The following C2CD3 variants were observed in gnomAD, a reference collection of about 807,000 sequenced individuals.
The protein encoded by C2CD3 is C2 domain-containing protein 3.
In C2CD3, 148 loss-of-function variants were observed where a neutral mutation model predicts 234.0. The ratio of observed to expected loss-of-function variants is 0.63; its 90% CI spans 0.55 to 0.72. The LOEUF (loss-of-function observed/expected upper bound fraction) is 0.72. Ranked by LOEUF, C2CD3 falls within the 30% of genes least tolerant of loss-of-function variation. The pLI, the probability that C2CD3 is intolerant of heterozygous loss-of-function variation, is 0.00. For missense variants in C2CD3, 2,577 were observed against 2,811.5 expected, an observed-to-expected ratio of 0.92 and a Z score of 1.89; for synonymous variants, 1,000 against 1,035.4, an observed-to-expected ratio of 0.97 and a Z score of 0.66.
At position 74,074,357 on chromosome 11, in the gene C2CD3, C is replaced by A. The variant is rs1376431893; in HGVS notation, c.4847G>T (p.Ser1616Ile). The change falls in exon 24 of 33, where the codon AGC (serine) becomes ATC (isoleucine). Residue 1616 changes from serine to isoleucine, a missense_variant. Coordinates refer to ENST00000334126, the MANE Select transcript of C2CD3 (RefSeq NM_001286577.2). ...SPASTQVPCS[S>I]TTAEVRLTQE... ...CGTCAGGCGGACTTCAGCTGTGGTG[C>A]TGCTGCAGGGGACCTGGGTGGAGGC... is the stretch of plus-strand genomic sequence containing the variant. The A allele has an allele frequency of 6.2e-7, 1 of 1,614,216 alleles. No individual in the cohort carries two copies. Among genetic ancestry groups the A allele is most frequent in the South Asian group, 1.1e-5 (1 of 91,088 alleles).
chr11:74,028,939 G>T (rs1020781908), intron 31 of C2CD3, among the ~76,000 whole-genome samples: 8 of 152,186 alleles, frequency 5.3e-5, no homozygotes, highest in Non-Finnish European at 1.0e-4. Flanking sequence ...GCTGCATTTA[G>T]GTGCCCTGCA....
At chr11:74,049,611 CACAG>C in intron 26 of C2CD3, 69 bp from the exon 27 acceptor site, 1 of 1,201,642 alleles carries the variant, frequency 8.3e-7, no homozygotes, top group Non-Finnish European at 1.2e-6. Flanking sequence ...AGAGGGTGCA[CACAG>C]AGAAGCTGAT....
intron 22 of C2CD3, among the ~76,000 whole-genome samples, chr11:74,079,918 T>A (rs1376606501): frequency 6.6e-6 from 1 of 152,170 alleles, no homozygotes; most frequent in Non-Finnish European, 1.5e-5. Flanking sequence ...GTAAACATTT[T>A]AGGCTTTGTG....
At chr11:74,069,698 A>AT (rs1200738274) in intron 24 of C2CD3, among the ~76,000 whole-genome samples, 1 of 152,120 alleles carries the variant, frequency 6.6e-6, no homozygotes, top group Non-Finnish European at 1.5e-5. Flanking sequence ...CGTACTTTAG[A>AT]TTTTTTTCCA....
At chr11:74,018,470 GC>G (rs1297144651) in intron 32 of C2CD3, among the ~76,000 whole-genome samples, 2 of 152,132 alleles carry the variant, frequency 1.3e-5, no homozygotes, top group African/African-American at 4.8e-5. Flanking sequence ...TTCCACAGTA[GC>G]CCCTTTAAGT....
chr11:74,158,451 G>A (rs1304195665), intron 3 of C2CD3, among the ~76,000 whole-genome samples: 1 of 152,166 alleles, frequency 6.6e-6, no homozygotes, highest in Non-Finnish European at 1.5e-5. Flanking sequence ...GGCTGGGCGT[G>A]GTGGCTCACA....
At chr11:74,065,710 A>T (rs7932751) in intron 24 of C2CD3, among the ~76,000 whole-genome samples, 4 of 152,030 alleles carry the variant, frequency 2.6e-5, no homozygotes, top group African/African-American at 9.7e-5. Context: ...TGGCACATAC[A>T]CACCATGGAA....
In C2CD3 at chr11:74,139,684, ATGGAACC is replaced by A; in HGVS notation, c.621_627del (p.Gln207HisfsTer17). ...ATGGTATGTATGTCGCGAGGCCTTGATGGAACCTGAAACTGGGTACTGCTGGGTTCAG... is the reference window on the plus strand; with the variant it reads ...ATGGTATGTATGTCGCGAGGCCTTGATGAAACTGGGTACTGCTGGGTTCAG... On this transcript the variant is annotated frameshift_variant, in exon 4 of 33. Transcript: ENST00000334126. LOFTEE classifies it high-confidence loss of function. 6.2e-7 allele frequency: 1 copy of A among 1,613,946 alleles called. No individual in the cohort carries two copies. Among genetic ancestry groups the A allele is most frequent in the Non-Finnish European group, 8.5e-7 (1 of 1,179,898 alleles).
At chr11:74,037,779 C>G in intron 29 of C2CD3, 81 bp from the exon 30 acceptor site, 1 of 1,080,138 alleles carries the variant, frequency 9.3e-7, no homozygotes, top group Non-Finnish European at 1.4e-6. Flanking sequence ...TGGACACTAC[C>G]GCTTGAGCCA....
chr11:74,117,020 ACG>A, intron 9 of C2CD3, among the ~76,000 whole-genome samples: 1 of 120,950 alleles, frequency 8.3e-6, no homozygotes, highest in Admixed American at 8.5e-5. Flanking sequence ...ACACATATAT[ACG>A]TGTATATGTA....
In C2CD3 at chr11:74,133,441, G is replaced by A. The variant is rs376054974; in HGVS notation, c.1072C>T (p.Leu358Phe). 2.5e-5 allele frequency: 41 copies of A among 1,613,496 alleles called. No individual in the cohort carries two copies. Among genetic ancestry groups the A allele is most frequent in the Non-Finnish European group, 3.1e-5 (37 of 1,179,588 alleles). The stretch of plus-strand genomic sequence containing the variant: ...GTAACTTACTGTGTTGATGCTCTAA[G>A]AGAATCTTCATTAATAGGAGGATGA... ...QVHPPINEDS[L>F]RASTQIRAFS... is the part of the protein sequence containing the mutation. Residue 358 changes from leucine (L) to phenylalanine (F), a missense_variant, in exon 6 of 33, where the codon CTT (leucine) becomes TTT (phenylalanine). Transcript: ENST00000334126.
intron 32 of C2CD3, among the ~76,000 whole-genome samples, chr11:74,019,570 C>A (rs948566495): frequency 6.6e-6 from 1 of 152,224 alleles, no homozygotes; most frequent in African/African-American, 2.4e-5. Context: ...CAGTAAGTTC[C>A]CTCAGGCCCC....
At position 74,034,231 on chromosome 11, in the gene C2CD3, G is replaced by T. The variant is rs748668786; in HGVS notation, c.5929C>A (p.Arg1977=). Residue 1977 remains arginine (R), a synonymous_variant, in exon 31 of 33, where the codon CGA becomes AGA. Transcript: ENST00000334126. ...RDSQAALSSH[R]ARSRSNKATT... ...GCCTTGTTGCTTCTACTCCTGGCTC[G>T]GTGAGAACTCAAAGCTGCTTGCGAA... 5 of 1,536,100 alleles carry T rather than the reference G, an allele frequency of 3.3e-6. No individual in the cohort carries two copies. The highest frequency in any genetic ancestry group is 4.4e-6 in the Non-Finnish European group (5 of 1,146,880).
chr11:74,131,958 T>C lies in C2CD3; in HGVS notation c.1217+886A>G, dbSNP rs188603590. Among the ~76,000 whole-genome samples the C allele has an allele frequency of 4.6e-5, 7 of 152,344 alleles. No individual in the cohort carries two copies. The East Asian group carries it at 1.2e-3, about 25-fold the overall frequency. On this transcript the variant is annotated intron_variant, in intron 7 of 32. Coordinates refer to ENST00000334126, the MANE Select transcript of C2CD3 (RefSeq NM_001286577.2). ...CTATTAACTTTCCAAGACATGAATG[T>C]AGACAGTATCTTTTATTCAAGAGAC...
intron 7 of C2CD3, among the ~76,000 whole-genome samples, chr11:74,123,737 C>CT (rs5792646): frequency 0.02 from 2,389 of 119,460 alleles, 31 homozygotes; most frequent in Non-Finnish European, 0.03. Context: ...ACGCTGGTAT[C>CT]TTTTTTTTTT....
chr11:74,054,437 C>A (rs963077528), intron 26 of C2CD3, among the ~76,000 whole-genome samples, 170 bp downstream of exon 26: 5 of 146,736 alleles, frequency 3.4e-5, no homozygotes, highest in African/African-American at 7.6e-5. Flanking sequence ...AATAATGTGG[C>A]CTTCTGGGGG....
chr11:74,163,483 G>C (rs772598830), intron 2 of C2CD3, among the ~76,000 whole-genome samples: 3 of 152,190 alleles, frequency 2.0e-5, no homozygotes, highest in African/African-American at 7.2e-5. Flanking sequence ...GGGAAGGACC[G>C]GGGGAGATAA....
rs749378480 is a variant in C2CD3 at position 74,095,287 on chromosome 11, T to C, written c.3101A>G (p.Tyr1034Cys). 2.5e-6 allele frequency: 4 copies of C among 1,613,678 alleles called. No individual in the cohort carries two copies. The highest frequency in any genetic ancestry group is 1.3e-5 in the African/African-American group (1 of 74,922). ...GGATTGAGAGTGTTGAACTGGAAAG[T>C]AGTACTGGACATAACAATCTGCTTC... is the stretch of plus-strand genomic sequence containing the variant. ...WGEADCYVQY[Y>C]FPVQHSQSSV... The change falls in exon 17 of 33, where the codon TAC becomes TGC. Residue 1034 changes from tyrosine (Y) to cysteine (C), a missense_variant. Physicochemically the swap from Tyr to Cys is radical, Grantham distance 194 (BLOSUM62 -2). Transcript: ENST00000334126.
intron 28 of C2CD3, among the ~76,000 whole-genome samples, chr11:74,045,527 G>A (rs1022031866): frequency 3.3e-5 from 5 of 151,918 alleles, no homozygotes; most frequent in African/African-American, 1.2e-4. Context: ...CCATAGATAT[G>A]GGATGTCTTT....
Sources: allele counts gnomAD v4.1 joint callset (sites outside exome capture counted in the v4.1 genomes callset), GRCh38; gene constraint gnomAD v4.1.1; transcripts MANE v1.5; gene names NCBI Gene and HGNC (gene_info 2026-07-23, HGNC 2026-07-21).